Variants in SLC30A8 observed in about 807,000 individuals in gnomAD.
SLC30A8 encodes the protein proton-coupled zinc antiporter SLC30A8.
In SLC30A8, 27 loss-of-function variants were observed where a neutral mutation model predicts 36.9. The observed-to-expected ratio is 0.73, with a 90% CI of 0.54 to 1.01. The LOEUF (loss-of-function observed/expected upper bound fraction) is 1.01, where lower values mean the gene tolerates loss of function less well. Ranked by LOEUF, SLC30A8 falls within the 50% of genes least tolerant of loss-of-function variation. The pLI is 0.00. For synonymous variants in SLC30A8, 164 were observed against 172.4 expected, an observed-to-expected ratio of 0.95 and a Z score of 0.38; for missense variants, 439 against 452.0, an observed-to-expected ratio of 0.97 and a Z score of 0.26.
chr8:117,004,796 C>T lies in SLC30A8; in HGVS notation c.-265-34423C>T, dbSNP rs189988434. ...TTGATTGTTTTTATTTTTCTTTTTG[C>T]TATAATTTTCTGGGTAAACTATATA... is the stretch of plus-strand genomic sequence containing the variant. On this transcript the variant is annotated intron_variant, in intron 1 of 10. Coordinates refer to the SLC30A8 transcript ENST00000427715. 2.0e-3 allele frequency among the ~76,000 whole-genome samples: 305 copies of T among 152,110 alleles called. 1 individual carries two copies. The highest frequency in any genetic ancestry group is 6.9e-3 in the African/African-American group (288 of 41,490).
chr8:117,155,170 T>C (rs1822412658), intron 3 of SLC30A8, among the ~76,000 whole-genome samples: 1 of 152,228 alleles, frequency 6.6e-6, no homozygotes, highest in South Asian at 2.1e-4. Flanking sequence ...ATGATCCTCA[T>C]GTGCCTCCTG....
At chr8:117,116,392 T>C (rs1820448064) in intron 2 of SLC30A8, among the ~76,000 whole-genome samples, 1 of 152,084 alleles carries the variant, frequency 6.6e-6, no homozygotes, top group Non-Finnish European at 1.5e-5. Flanking sequence ...TGAAATTCTG[T>C]ATAATTATCA....
At chr8:117,154,020 A>G (rs1822339052) in intron 3 of SLC30A8, among the ~76,000 whole-genome samples, 1 of 152,194 alleles carries the variant, frequency 6.6e-6, no homozygotes, top group African/African-American at 2.4e-5. Context: ...TTAACCAAGT[A>G]GCATAAACAA....
At chr8:117,001,003 A>T (rs1213659004) in intron 1 of SLC30A8, among the ~76,000 whole-genome samples, 1 of 152,034 alleles carries the variant, frequency 6.6e-6, no homozygotes, top group Non-Finnish European at 1.5e-5. Flanking sequence ...TTTCCCCTTC[A>T]TCTTTTTTCA....
At chr8:117,027,251 C>G (rs1422474187) in intron 1 of SLC30A8, among the ~76,000 whole-genome samples, 1 of 152,096 alleles carries the variant, frequency 6.6e-6, no homozygotes, top group Non-Finnish European at 1.5e-5. Context: ...GCTGCATCTA[C>G]CTCTCAACAC....
chr8:117,101,050 G>A (rs1819694469), intron 2 of SLC30A8, among the ~76,000 whole-genome samples: 1 of 152,106 alleles, frequency 6.6e-6, no homozygotes, highest in Non-Finnish European at 1.5e-5. Flanking sequence ...GATTGATGAC[G>A]AGTGAATGAT....
intron 2 of SLC30A8, among the ~76,000 whole-genome samples, chr8:117,121,965 A>G (rs1820712594): frequency 6.6e-6 from 1 of 151,898 alleles, no homozygotes; most frequent in Admixed American, 6.6e-5. Flanking sequence ...ATTTCTTAAG[A>G]GAGTAGGTCT....
intron 3 of SLC30A8, among the ~76,000 whole-genome samples, chr8:117,155,449 G>C (rs571490109): frequency 5.9e-5 from 9 of 152,106 alleles, no homozygotes; most frequent in Non-Finnish European, 1.0e-4. Flanking sequence ...TTCTGCAAAG[G>C]GGAGTCGTAA....
chr8:117,129,714 T>C (rs1276851548), intron 2 of SLC30A8, among the ~76,000 whole-genome samples: 1 of 152,050 alleles, frequency 6.6e-6, no homozygotes, highest in African/African-American at 2.4e-5. Context: ...AATTTTTATT[T>C]TGTGAATGAT....
intron 1 of SLC30A8, among the ~76,000 whole-genome samples, chr8:116,985,687 C>A (rs1413831135): frequency 6.6e-6 from 1 of 152,102 alleles, no homozygotes; most frequent in Non-Finnish European, 1.5e-5. Context: ...TACACTTCTA[C>A]CAACAATGCA....
At chr8:117,008,365 C>CT (rs2130699920) in intron 1 of SLC30A8, among the ~76,000 whole-genome samples, 1 of 152,266 alleles carries the variant, frequency 6.6e-6, no homozygotes, top group Non-Finnish European at 1.5e-5. Flanking sequence ...TTGTCAATAA[C>CT]TTTAACAGGA....
intron 1 of SLC30A8, among the ~76,000 whole-genome samples, chr8:116,979,238 C>CAAAAAAAAAAAAAAAAAAAAAAAAAA (rs67998633): frequency 1.6e-5 from 1 of 64,308 alleles, no homozygotes; most frequent in Non-Finnish European, 2.8e-5. Context: ...GACCCTGTCT[C>CAAAAAAAAAAAAAAAAAAAAAAAAAA]AAAAAAAAAA....
At position 117,048,098 on chromosome 8, in the gene SLC30A8, A is replaced by T. The variant is rs1251861953; in HGVS notation, c.-226+8840A>T. On this transcript the variant is annotated intron_variant, in intron 2 of 10. Coordinates refer to the SLC30A8 transcript ENST00000427715. Reference sequence around the variant, plus strand: ...GGAGTAGCCATTCTTTTATTCCTTTACTTTCCTATATTTGGTTTCACTTTA... The same window carrying T: ...GGAGTAGCCATTCTTTTATTCCTTTTCTTTCCTATATTTGGTTTCACTTTA... Among the ~76,000 whole-genome samples, 3 of 152,176 alleles carry T rather than the reference A, an allele frequency of 2.0e-5. No homozygotes were observed. The East Asian group carries it at 5.8e-4, about 29-fold the overall frequency.
intron 2 of SLC30A8, among the ~76,000 whole-genome samples, chr8:117,045,023 C>T (rs1817505485): frequency 6.6e-6 from 1 of 152,232 alleles, no homozygotes; most frequent in African/African-American, 2.4e-5. Context: ...ACTGGCCTGC[C>T]AGGAATTAAT....
At chr8:117,165,385 T>TTATC (rs1823007603) in intron 6 of SLC30A8, among the ~76,000 whole-genome samples, 2 of 152,216 alleles carry the variant, frequency 1.3e-5, no homozygotes, top group African/African-American at 4.8e-5. Context: ...TACTGTATAT[T>TTATC]TATCTGCACA....
intron 1 of SLC30A8, among the ~76,000 whole-genome samples, chr8:116,980,590 A>G (rs1036176728): frequency 3.3e-5 from 5 of 152,296 alleles, no homozygotes; most frequent in South Asian, 4.1e-4. Context: ...GCCAAGAGCA[A>G]TTCTCCAGAA....
At chr8:116,960,547 CT>C (rs1292657563) in intron 1 of SLC30A8, among the ~76,000 whole-genome samples, 1 of 152,194 alleles carries the variant, frequency 6.6e-6, no homozygotes, top group African/African-American at 2.4e-5. Flanking sequence ...GAGACATGAT[CT>C]CATCACCCCA....
chr8:117,058,372 A>T (rs1563572773), intron 2 of SLC30A8, among the ~76,000 whole-genome samples: 2 of 152,022 alleles, frequency 1.3e-5, no homozygotes, highest in Non-Finnish European at 2.9e-5. Context: ...CTATGCAAAA[A>T]CTTTCTGGTT....
intron 1 of SLC30A8, among the ~76,000 whole-genome samples, chr8:117,143,965 C>T (rs189273978): frequency 1.0e-3 from 152 of 152,178 alleles, no homozygotes; most frequent in Non-Finnish European, 1.5e-3. Flanking sequence ...AATTATCTCT[C>T]CTGGTCACTG....
Sources: allele counts gnomAD v4.1 joint callset (sites outside exome capture counted in the v4.1 genomes callset), GRCh38; gene constraint gnomAD v4.1.1; transcripts MANE v1.5; gene names NCBI Gene and HGNC (gene_info 2026-07-23, HGNC 2026-07-21).